NCKAP5: variants seen among roughly 807,000 people sequenced by gnomAD.
The protein encoded by NCKAP5 is NCK associated protein 5, also known as nck-associated protein 5.
Under a neutral mutation model 167.0 loss-of-function variants are expected in NCKAP5, and 92 were observed. The ratio of observed to expected loss-of-function variants is 0.55; its 90% confidence interval spans 0.47 to 0.66. NCKAP5 has a LOEUF of 0.66. Ranked by LOEUF, NCKAP5 falls within the 30% of genes least tolerant of loss-of-function variation. The pLI, the probability that NCKAP5 is intolerant of heterozygous loss-of-function variation, is 0.00. For synonymous variants in NCKAP5, 891 were observed against 877.4 expected (o/e 1.02, Z -0.27); for missense variants, 2,378 against 2,315.0 (o/e 1.03, Z -0.56).
At chr2:133,662,708 T>TATTAAAA in the NCKAP5 span, among the ~76,000 whole-genome samples, 1 of 149,832 alleles carries the variant, frequency 6.7e-6, no homozygotes, top group Non-Finnish European at 1.5e-5. Flanking sequence ...ATTTTCTGAA[T>TATTAAAA]ATTAAAATAA....
In NCKAP5 at chr2:132,773,867, CTTGCAAGTTTTCAT is replaced by C; in HGVS notation, c.5063_5076del (p.Asn1688ArgfsTer3). The C allele has an allele frequency of 6.2e-7, 1 of 1,610,610 alleles. No individual in the cohort carries two copies. The highest frequency in any genetic ancestry group is 1.1e-5 in the South Asian group (1 of 90,004). On this transcript the variant is annotated frameshift_variant, in exon 16 of 20. Coordinates refer to ENST00000409261, the MANE Select transcript of NCKAP5 (RefSeq NM_207363.3). LOFTEE classifies it high-confidence loss of function. ...TCTGCAACTGCATCGTCTTCATCCT[CTTGCAAGTTTTCAT>C]TTGCCTCTTTTACCTGCAGGAAGAA...
chr2:133,129,270 G>A lies in NCKAP5; in HGVS notation c.341+708C>T, dbSNP rs1276469388. On this transcript the variant is annotated intron_variant, in intron 6 of 19. Transcript: ENST00000409261. ...CTCCCCCCACCCCACAACAGTCCCCGGAGTGTGATGTTCCCCTTCCTGTGT... is the reference window on the plus strand; with the variant it reads ...CTCCCCCCACCCCACAACAGTCCCCAGAGTGTGATGTTCCCCTTCCTGTGT... Among the ~76,000 whole-genome samples the A allele has an allele frequency of 1.3e-3, 194 of 145,698 alleles. 1 individual carries two copies. The highest frequency in any genetic ancestry group is 4.1e-3 in the African/African-American group (162 of 39,924).
intron 8 of NCKAP5, among the ~76,000 whole-genome samples, chr2:132,927,363 T>C (rs1413410149): frequency 7.0e-6 from 1 of 142,250 alleles, no homozygotes; most frequent in Non-Finnish European, 1.5e-5. Context: ...TTTGGTTCCA[T>C]ATTACTTTTA....
the NCKAP5 span, among the ~76,000 whole-genome samples, chr2:133,600,372 G>C: frequency 6.6e-6 from 1 of 152,150 alleles, no homozygotes; most frequent in African/African-American, 2.4e-5. Context: ...GGAAGAAAGA[G>C]AGAGAAGTTG....
chr2:133,162,411 G>A (rs2149946461), intron 5 of NCKAP5, among the ~76,000 whole-genome samples: 1 of 152,212 alleles, frequency 6.6e-6, no homozygotes, highest in Non-Finnish European at 1.5e-5. Flanking sequence ...AGTTGAAAAG[G>A]GATTGATCTA....
At chr2:132,898,152 G>A (rs530162522) in intron 8 of NCKAP5, among the ~76,000 whole-genome samples, 15 of 152,252 alleles carry the variant, frequency 9.9e-5, no homozygotes, top group South Asian at 2.1e-4. Flanking sequence ...TGAAATCTTC[G>A]TTGTCATTTC....
At chr2:133,197,105 G>T (rs2085470543) in intron 5 of NCKAP5, among the ~76,000 whole-genome samples, 1 of 152,290 alleles carries the variant, frequency 6.6e-6, no homozygotes, top group African/African-American at 2.4e-5. Flanking sequence ...CTAGATAAAA[G>T]ATCAGGAAAG....
At chr2:132,957,988 T>C (rs936407216) in intron 8 of NCKAP5, among the ~76,000 whole-genome samples, 1 of 152,180 alleles carries the variant, frequency 6.6e-6, no homozygotes, top group Non-Finnish European at 1.5e-5. Context: ...CAATTTCTCC[T>C]GTGTCTTTGA....
intron 11 of NCKAP5, among the ~76,000 whole-genome samples, chr2:132,827,117 A>G (rs1687179138): frequency 6.6e-6 from 1 of 152,210 alleles, no homozygotes. Context: ...GAGTGTATAG[A>G]TATAGTCATG....
chr2:132,822,124 C>A (rs1686791482), intron 11 of NCKAP5, among the ~76,000 whole-genome samples: 1 of 152,200 alleles, frequency 6.6e-6, no homozygotes, highest in Non-Finnish European at 1.5e-5. Context: ...TACAGCAACT[C>A]AGGACAGAAT....
At chr2:133,615,369 G>T in the NCKAP5 span, among the ~76,000 whole-genome samples, 1 of 151,766 alleles carries the variant, frequency 6.6e-6, no homozygotes, top group Non-Finnish European at 1.5e-5. Context: ...TGGATAAAGA[G>T]TCAAGACCCA....
At chr2:133,651,317 T>A in the NCKAP5 span, among the ~76,000 whole-genome samples, 3 of 152,096 alleles carry the variant, frequency 2.0e-5, no homozygotes, top group African/African-American at 7.2e-5. Context: ...AAACTAAAAC[T>A]AATAACCTGA....
chr2:133,140,284 G>C (rs1011221268), intron 5 of NCKAP5, among the ~76,000 whole-genome samples: 1 of 152,018 alleles, frequency 6.6e-6, no homozygotes, highest in Non-Finnish European at 1.5e-5. Context: ...TTTTGTTTTT[G>C]TTGTAGCAAC....
intron 3 of NCKAP5, among the ~76,000 whole-genome samples, chr2:133,435,086 T>C (rs1182674815): frequency 6.6e-6 from 1 of 152,206 alleles, no homozygotes; most frequent in African/African-American, 2.4e-5. Flanking sequence ...CCATGACTAT[T>C]ACACCATCTG....
intron 8 of NCKAP5, among the ~76,000 whole-genome samples, chr2:132,913,102 C>G (rs1209907065): frequency 2.0e-5 from 3 of 151,884 alleles, no homozygotes; most frequent in Non-Finnish European, 2.9e-5. Context: ...GCTACCATCA[C>G]CAGGGCCTTT....
At chr2:133,604,261 A>G in the NCKAP5 span, among the ~76,000 whole-genome samples, 2 of 152,106 alleles carry the variant, frequency 1.3e-5, no homozygotes, top group Admixed American at 1.3e-4. Context: ...GCTGGTGTAC[A>G]GTGGCACAAT....
chr2:132,723,717 G>A (rs1372486917), intron 19 of NCKAP5, among the ~76,000 whole-genome samples: 2 of 152,178 alleles, frequency 1.3e-5, no homozygotes, highest in Admixed American at 1.3e-4. Context: ...TTCCATCGTT[G>A]AGGGAGGTCA....
chr2:132,761,183 G>T (rs990999038), intron 16 of NCKAP5, among the ~76,000 whole-genome samples: 2 of 149,560 alleles, frequency 1.3e-5, no homozygotes, highest in Non-Finnish European at 1.5e-5. Flanking sequence ...GGAGGGGCTT[G>T]TGAGTCTTTG....
chr2:133,375,849 G>A (rs940013316), intron 3 of NCKAP5, among the ~76,000 whole-genome samples: 7 of 152,192 alleles, frequency 4.6e-5, no homozygotes, highest in Non-Finnish European at 1.5e-5. Context: ...TATCACTGAT[G>A]AACATTGATG....
Sources: allele counts gnomAD v4.1 joint callset (sites outside exome capture counted in the v4.1 genomes callset), GRCh38; gene constraint gnomAD v4.1.1; transcripts MANE v1.5; gene names NCBI Gene and HGNC (gene_info 2026-07-23, HGNC 2026-07-21).